The following AQP11 variants were observed in gnomAD, a reference collection of about 807,000 sequenced individuals.
AQP11 encodes aquaporin-11.
Under a neutral mutation model 21.1 loss-of-function variants are expected in AQP11, and 20 were observed. That is an observed-to-expected ratio of 0.95 (90% CI 0.67 to 1.38). AQP11 has a LOEUF of 1.38. Among genes scored for constraint, AQP11 ranks in the 40% most tolerant of loss-of-function variants. The pLI, the probability that AQP11 is intolerant of heterozygous loss-of-function variation, is 0.00. For missense variants in AQP11, 339 were observed against 340.4 expected, an observed-to-expected ratio of 1.00 and a Z score of 0.03; for synonymous variants, 167 against 150.1, an observed-to-expected ratio of 1.11 and a Z score of -0.82.
rs557986456 is a variant in AQP11 at position 77,590,254 on chromosome 11, G to T, written c.262G>T (p.Val88Leu). The T allele has an allele frequency of 1.1e-4, 180 of 1,601,184 alleles. No homozygotes were observed. The highest frequency in any genetic ancestry group is 1.5e-4 in the Non-Finnish European group (172 of 1,172,978). Residue 88 changes from valine (V) to leucine (L), a missense_variant, in exon 1 of 3, where the codon GTG (valine) becomes TTG (leucine). Physicochemically the swap from Val to Leu is conservative, Grantham distance 32. Coordinates refer to ENST00000313578, the MANE Select transcript of AQP11 (RefSeq NM_173039.3). Reference protein sequence around the residue: ...TLTLVYFFSLVHGLTLVGTSS... With the variant: ...TLTLVYFFSLLHGLTLVGTSS... ...GACGCTCGTCTACTTCTTCTCGCTTGTGCATGGCCTGACTCTGGTGGGCAC... is the reference window on the plus strand; with the variant it reads ...GACGCTCGTCTACTTCTTCTCGCTTTTGCATGGCCTGACTCTGGTGGGCAC...
intron 1 of AQP11, among the ~76,000 whole-genome samples, chr11:77,594,887 T>C (rs1248044257): frequency 6.7e-6 from 1 of 149,836 alleles, no homozygotes; most frequent in Non-Finnish European, 1.5e-5. Flanking sequence ...CCCCTAATCG[T>C]GTAAAAAAAA....
intron 1 of AQP11, chr11:77,590,910 G>A: frequency 1.0e-6 from 1 of 985,432 alleles, no homozygotes; most frequent in South Asian, 4.7e-5. Context: ...ATGGTAGAAA[G>A]GAAAGATAAC....
At chr11:77,593,358 G>A (rs887593573) in intron 1 of AQP11, among the ~76,000 whole-genome samples, 2 of 152,116 alleles carry the variant, frequency 1.3e-5, no homozygotes, top group African/African-American at 2.4e-5. Context: ...CCCATCGGCC[G>A]GGCGCGGTGG....
At chr11:77,603,242 A>C (rs1485228389) in intron 1 of AQP11, among the ~76,000 whole-genome samples, 1 of 152,208 alleles carries the variant, frequency 6.6e-6, no homozygotes, top group Non-Finnish European at 1.5e-5. Flanking sequence ...AAATTGACAA[A>C]TGTTCAGGGC....
intron 1 of AQP11, among the ~76,000 whole-genome samples, chr11:77,595,220 A>G (rs1958771422): frequency 6.6e-6 from 1 of 152,090 alleles, no homozygotes; most frequent in African/African-American, 2.4e-5. Flanking sequence ...GCATGCCTGT[A>G]ATCCCAGCTA....
intron 1 of AQP11, among the ~76,000 whole-genome samples, chr11:77,596,676 T>C (rs1024136812): frequency 6.7e-6 from 1 of 150,066 alleles, no homozygotes; most frequent in Non-Finnish European, 1.5e-5. Context: ...CTGGGCAACA[T>C]AGCAAGACCC....
intron 2 of AQP11, among the ~76,000 whole-genome samples, 198 bp downstream of exon 2, chr11:77,603,870 T>C (rs1311899550): frequency 6.6e-6 from 1 of 152,166 alleles, no homozygotes; most frequent in Admixed American, 6.6e-5. Context: ...TCAGATATGC[T>C]ATCACTTTAA....
intron 1 of AQP11, among the ~76,000 whole-genome samples, chr11:77,593,639 C>G (rs921641064): frequency 6.6e-6 from 1 of 150,688 alleles, no homozygotes; most frequent in South Asian, 2.1e-4. Flanking sequence ...AGCGAGACTC[C>G]GTCTCAAAAA....
intron 2 of AQP11, 115 bp from the exon 3 acceptor site, chr11:77,609,183 A>T: frequency 1.6e-6 from 1 of 639,754 alleles, no homozygotes; most frequent in Non-Finnish European, 2.6e-6. Flanking sequence ...CCAATTCTTT[A>T]AGCATGGCTT....
chr11:77,600,736 G>C (rs984222439), intron 1 of AQP11, among the ~76,000 whole-genome samples: 1 of 152,202 alleles, frequency 6.6e-6, no homozygotes, highest in Non-Finnish European at 1.5e-5. Flanking sequence ...TGTAGGGCCG[G>C]GTGCGGTGGC....
chr11:77,602,498 A>G (rs1243532717), intron 1 of AQP11, among the ~76,000 whole-genome samples: 1 of 152,196 alleles, frequency 6.6e-6, no homozygotes, highest in Non-Finnish European at 1.5e-5. Flanking sequence ...GAATGATTCC[A>G]AAGGTCTATG....
At chr11:77,597,500 A>T (rs868690195) in intron 1 of AQP11, among the ~76,000 whole-genome samples, 38 of 152,238 alleles carry the variant, frequency 2.5e-4, no homozygotes, top group African/African-American at 7.9e-4. Context: ...TGAACCCAGG[A>T]GGTGGAGGTT....
intron 1 of AQP11, chr11:77,591,249 T>A (rs1041786626): frequency 8.8e-5 from 85 of 970,584 alleles, no homozygotes; most frequent in Non-Finnish European, 8.9e-5. Context: ...AGATGCTTTT[T>A]AAAATATAAC....
chr11:77,599,945 AT>A (rs1958805951), intron 1 of AQP11, among the ~76,000 whole-genome samples: 1 of 151,814 alleles, frequency 6.6e-6, no homozygotes, highest in Non-Finnish European at 1.5e-5. Context: ...GGAATGATAT[AT>A]TATTACTGTT....
chr11:77,596,384 C>A (rs1016834840), intron 1 of AQP11, among the ~76,000 whole-genome samples: 12 of 148,908 alleles, frequency 8.1e-5, no homozygotes, highest in African/African-American at 2.2e-4. Flanking sequence ...GAGGTTGCAG[C>A]GAGCTGATAT....
At chr11:77,608,618 C>T (rs532915423) in intron 2 of AQP11, among the ~76,000 whole-genome samples, 1 of 152,274 alleles carries the variant, frequency 6.6e-6, no homozygotes, top group African/African-American at 2.4e-5. Context: ...GTCTCAAAAA[C>T]AAACAAATAA....
chr11:77,601,018 A>T (rs1449398160), intron 1 of AQP11, among the ~76,000 whole-genome samples: 1 of 152,136 alleles, frequency 6.6e-6, no homozygotes, highest in African/African-American at 2.4e-5. Flanking sequence ...TCTCAAAAAA[A>T]AAAAAAAAAA....
chr11:77,602,218 G>C (rs1277697633), intron 1 of AQP11, among the ~76,000 whole-genome samples: 1 of 152,142 alleles, frequency 6.6e-6, no homozygotes, highest in Non-Finnish European at 1.5e-5. Context: ...CCATGGCCTT[G>C]AATACTGAAG....
chr11:77,593,401 C>T (rs1181206658), intron 1 of AQP11, among the ~76,000 whole-genome samples: 2 of 152,058 alleles, frequency 1.3e-5, no homozygotes, highest in Admixed American at 6.6e-5. Flanking sequence ...TTTGGGAGGC[C>T]GAGGCGGGCA....
Sources: gnomAD v4.1 joint callset for allele counts (sites outside exome capture counted in the v4.1 genomes callset) on GRCh38, gnomAD v4.1.1 for gene constraint, MANE v1.5 for transcripts, NCBI Gene and HGNC (gene_info 2026-07-23, HGNC 2026-07-21) for gene names.